RPL19: variants seen among roughly 807,000 people sequenced by gnomAD.
The protein encoded by RPL19 is ribosomal protein L19.
RPL19 carries 2 observed loss-of-function variants against 25.1 expected under a neutral mutation model. The ratio of observed to expected loss-of-function variants is 0.08; its 90% CI spans 0.03 to 0.25. The LOEUF (loss-of-function observed/expected upper bound fraction) is 0.25, where lower values mean the gene tolerates loss of function less well. RPL19 is among the 10% of genes least tolerant of loss of function. The probability of loss-of-function intolerance (pLI) is 1.00; values close to 1 mark genes in which losing one functional copy is unlikely to be tolerated. For synonymous variants in RPL19, 89 were observed against 91.2 expected (o/e 0.98, Z 0.14); for missense variants, 123 against 271.8 (o/e 0.45, Z 3.85).
intron 5 of RPL19, 99 bp downstream of exon 5, chr17:39,204,286 G>T: frequency 1.1e-6 from 1 of 880,508 alleles, no homozygotes; most frequent in Non-Finnish European, 1.9e-6. Context: ...TGACTTGCAC[G>T]TAGTCTGTCT....
At chr17:39,200,496 C>T (rs1168004918) in intron 1 of RPL19, 147 bp downstream of exon 1, 1 of 1,282,022 alleles carries the variant, frequency 7.8e-7, no homozygotes, top group Non-Finnish European at 9.9e-7. Flanking sequence ...GGAGCACTTT[C>T]GTCCCGGGCC....
intron 1 of RPL19, chr17:39,200,559 C>A: frequency 7.7e-7 from 1 of 1,297,168 alleles, no homozygotes; most frequent in South Asian, 2.2e-5. Flanking sequence ...CAGGAAAAGT[C>A]TGCCCCGGCT....
Position 39,202,436 on chromosome 17 carries a change from A to G in RPL19, c.232A>G (p.Ile78Val). Reference protein sequence around the residue: ...LARRKGRHMGIGKRKGTANAR... With the variant: ...LARRKGRHMGVGKRKGTANAR... ...CCGCCGGAAGGGCAGGCACATGGGC[A>G]TAGGTAAGTGTGGTCATCTTCTCCT... The change falls in exon 3 of 6, where the codon ATA (isoleucine) becomes GTA (valine). Residue 78 changes from isoleucine (I) to valine (V), a missense_variant. Ile to Val is a conservative substitution (Grantham distance 29). Coordinates refer to ENST00000225430, the MANE Select transcript of RPL19 (RefSeq NM_000981.4). 1.2e-6 allele frequency: 2 copies of G among 1,614,190 alleles called. No individual in the cohort carries two copies. The highest frequency in any genetic ancestry group is 2.2e-5 in the South Asian group (2 of 91,086).
At chr17:39,201,379 A>C (rs2046287307) in intron 2 of RPL19, 60 bp downstream of exon 2, 2 of 1,013,154 alleles carry the variant, frequency 2.0e-6, no homozygotes, top group African/African-American at 3.3e-5. Flanking sequence ...CGTCAGATTA[A>C]TGATAACACA....
At chr17:39,200,830 G>T in intron 1 of RPL19, 1 of 929,912 alleles carries the variant, frequency 1.1e-6, no homozygotes, top group Non-Finnish European at 1.3e-6. Context: ...TTGTTACTGT[G>T]ATAAAACAGG....
chr17:39,204,445 A>G (rs2046310698), intron 5 of RPL19, 80 bp from the exon 6 acceptor site: 8 of 1,534,772 alleles, frequency 5.2e-6, no homozygotes, highest in Non-Finnish European at 7.1e-6. Flanking sequence ...GCTCAAAGGG[A>G]GAGGTCTGGG....
Position 39,204,687 on chromosome 17 carries a change from T to A in RPL19, c.*39T>A, listed in dbSNP as rs769251034. Reference sequence around the variant, plus strand: ...GTCTGTACATACTGGCCTCTGTGATTACATAGATCAGCCATTAAAATAAAA... The same window carrying A: ...GTCTGTACATACTGGCCTCTGTGATAACATAGATCAGCCATTAAAATAAAA... On this transcript the variant is annotated 3_prime_UTR_variant, in exon 6 of 6. Transcript: ENST00000225430. The A allele has an allele frequency of 1.3e-6, 2 of 1,590,450 alleles. No homozygotes were observed. The highest frequency in any genetic ancestry group is 2.7e-5 in the African/African-American group (2 of 74,000).
At chr17:39,200,394 A>G in intron 1 of RPL19, 45 bp downstream of exon 1, 1 of 1,482,642 alleles carries the variant, frequency 6.7e-7, no homozygotes, top group Non-Finnish European at 9.0e-7. Context: ...CGTGTCGACA[A>G]GGGACTGTCG....
At chr17:39,202,255 A>C in intron 2 of RPL19, 62 bp from the exon 3 acceptor site, 1 of 1,606,700 alleles carries the variant, frequency 6.2e-7, no homozygotes, top group South Asian at 1.1e-5. Context: ...GGCCTGGCCT[A>C]TTTGGACTCT....
chr17:39,201,689 C>T (rs2046291217), intron 2 of RPL19, among the ~76,000 whole-genome samples: 2 of 152,156 alleles, frequency 1.3e-5, no homozygotes, highest in African/African-American at 4.8e-5. Context: ...TCTCCTTCCT[C>T]AGCCTCCCAA....
intron 2 of RPL19, 97 bp downstream of exon 2, chr17:39,201,416 T>C: frequency 1.4e-6 from 1 of 710,506 alleles, no homozygotes; most frequent in East Asian, 2.7e-5. Flanking sequence ...TTTTTTTTTT[T>C]AGACAGTCTT....
intron 4 of RPL19, 47 bp from the exon 5 acceptor site, chr17:39,204,030 T>G (rs1311551584): frequency 2.8e-6 from 3 of 1,073,894 alleles, no homozygotes; most frequent in South Asian, 1.3e-5. Flanking sequence ...CAAGGCAGCC[T>G]CTGATCCATC....
chr17:39,204,140 A>G lies in RPL19; in HGVS notation c.420A>G (p.Glu140=). 6.2e-7 allele frequency: 1 copy of G among 1,613,720 alleles called. No homozygotes were observed. Among genetic ancestry groups the G allele is most frequent in the Non-Finnish European group, 8.5e-7 (1 of 1,179,690 alleles). The change falls in exon 5 of 6, where the codon GAA becomes GAG. Residue 140 remains glutamate (E), a synonymous_variant. Transcript: ENST00000225430. ...NVFKNKRILM[E]HIHKLKADKA... Reference sequence around the variant, plus strand: ...TCAAAAACAAGCGGATTCTCATGGAACACATCCACAAGCTGAAGGCAGACA... The same window carrying G: ...TCAAAAACAAGCGGATTCTCATGGAGCACATCCACAAGCTGAAGGCAGACA...
chr17:39,202,367 G>C lies in RPL19; in HGVS notation c.163G>C (p.Val55Leu). The stretch of plus-strand genomic sequence containing the variant: ...AGATGGGCTGATCATCCGCAAGCCT[G>C]TGACGGTCCATTCCCGGGCTCGATG... ...IKDGLIIRKP[V>L]TVHSRARCRK... Residue 55 changes from valine (V) to leucine (L), a missense_variant, in exon 3 of 6, where the codon GTG becomes CTG. Transcript: ENST00000225430. The C allele has an allele frequency of 6.2e-7, 1 of 1,614,224 alleles. No homozygotes were observed. Among genetic ancestry groups the C allele is most frequent in the Non-Finnish European group, 8.5e-7 (1 of 1,180,036 alleles).
chr17:39,201,149 T>C (rs1408746356), intron 1 of RPL19, 64 bp from the exon 2 acceptor site: 4 of 1,074,190 alleles, frequency 3.7e-6, no homozygotes, highest in Middle Eastern at 2.1e-4. Flanking sequence ...CAGGTCTTGA[T>C]GGGGACGTTC....
chr17:39,203,073 G>C lies in RPL19; in HGVS notation c.320G>C (p.Arg107Thr). The C allele has an allele frequency of 6.2e-7, 1 of 1,612,488 alleles. No individual in the cohort carries two copies. The highest frequency in any genetic ancestry group is 8.5e-7 in the Non-Finnish European group (1 of 1,179,278). The change falls in exon 4 of 6, where the codon AGA (arginine) becomes ACA (threonine). Residue 107 changes from arginine to threonine, a missense_variant. By Grantham distance (71) the Arg-to-Thr change is moderately conservative. Coordinates refer to ENST00000225430, the MANE Select transcript of RPL19 (RefSeq NM_000981.4). ...RRMRILRRLL[R>T]RYRESKKIDR... The stretch of plus-strand genomic sequence containing the variant: ...ATGAGGATTTTGCGCCGGCTGCTCA[G>C]AAGATACCGTGAATCTAAGAAGATC...
intron 2 of RPL19, 88 bp from the exon 3 acceptor site, chr17:39,202,229 T>C: frequency 1.3e-6 from 2 of 1,521,018 alleles, no homozygotes; most frequent in Non-Finnish European, 9.1e-7. Flanking sequence ...GGGCCAAGAA[T>C]GTGAGCAGTG....
intron 3 of RPL19, chr17:39,202,766 T>G: frequency 8.2e-6 from 5 of 613,314 alleles, no homozygotes; most frequent in Non-Finnish European, 1.4e-5. Flanking sequence ...CTGCATGAAG[T>G]GAATGGGGAA....
chr17:39,200,480 T>G, intron 1 of RPL19, 131 bp downstream of exon 1: 1 of 1,315,378 alleles, frequency 7.6e-7, no homozygotes, highest in South Asian at 2.0e-5. Flanking sequence ...GGGTTTGGGG[T>G]AGGCCGGAGC....
Sources: allele counts gnomAD v4.1 joint callset (sites outside exome capture counted in the v4.1 genomes callset), GRCh38; gene constraint gnomAD v4.1.1; transcripts MANE v1.5; gene names NCBI Gene and HGNC (gene_info 2026-07-23, HGNC 2026-07-21).